Variants in ACSM1 observed in about 807,000 individuals in gnomAD.
ACSM1 encodes the protein acyl-coenzyme A synthetase ACSM1, mitochondrial.
A neutral mutation model predicts 75.8 loss-of-function variants in ACSM1; 79 were observed. The observed-to-expected ratio is 1.04, with a 90% CI of 0.87 to 1.26. ACSM1 has a LOEUF of 1.26. Ranked by LOEUF, ACSM1 falls within the 50% of genes most tolerant of loss-of-function variation. ACSM1 has a pLI of 0.00. For synonymous variants in ACSM1, 279 were observed against 265.8 expected (o/e 1.05, Z -0.48); for missense variants, 676 against 720.1 (o/e 0.94, Z 0.70).
chr16:20,682,343 A>G lies in ACSM1; in HGVS notation c.524T>C (p.Ile175Thr). 6.2e-7 allele frequency: 1 copy of G among 1,614,060 alleles called. No homozygotes were observed. The highest frequency in any genetic ancestry group is 8.5e-7 in the Non-Finnish European group (1 of 1,179,956). ...IDALASEVDSIASQCPSLKTK... is the reference protein window; with the variant it reads ...IDALASEVDSTASQCPSLKTK... ...TTTCAGAGAGGGGCACTGAGAAGCT[A>G]TGGAGTCCACCTCTGAGGCAAGGGC... Residue 175 changes from isoleucine to threonine, a missense_variant, in exon 4 of 14, where the codon ATA becomes ACA. By Grantham distance (89) the Ile-to-Thr change is moderately conservative (BLOSUM62 -1). Coordinates refer to ENST00000520010, the MANE Select transcript of ACSM1 (RefSeq NM_001318890.3).
intron 6 of ACSM1, among the ~76,000 whole-genome samples, chr16:20,668,476 G>A (rs1290145294): frequency 6.6e-6 from 1 of 152,150 alleles, no homozygotes; most frequent in South Asian, 2.1e-4. Context: ...ACAGGAGGAG[G>A]CATTGATATA....
chr16:20,685,218 C>A lies in ACSM1; in HGVS notation c.378G>T (p.Leu126=). Residue 126 remains leucine, a synonymous_variant, in exon 3 of 14, where the codon CTG becomes CTT. Transcript: ENST00000520010. The part of the protein sequence containing the change: ...LMLPRVPEWW[L]VAVGCMRTGI... ...CTGTTCGCATGCAGCCCACAGCCAC[C>A]AGCCACCACTCAGGAACTCGAGGCA... 1.2e-6 allele frequency: 2 copies of A among 1,614,168 alleles called. No individual in the cohort carries two copies. The highest frequency in any genetic ancestry group is 1.7e-6 in the Non-Finnish European group (2 of 1,180,014).
intron 7 of ACSM1, among the ~76,000 whole-genome samples, chr16:20,654,815 T>A (rs1188440944): frequency 6.6e-6 from 1 of 152,194 alleles, no homozygotes; most frequent in Non-Finnish European, 1.5e-5. Flanking sequence ...GTAAATTAGT[T>A]CAATCATTGT....
intron 10 of ACSM1, among the ~76,000 whole-genome samples, chr16:20,634,539 G>A (rs2017538714): frequency 1.3e-5 from 2 of 152,202 alleles, no homozygotes; most frequent in Non-Finnish European, 2.9e-5. Context: ...TTTGTTACAT[G>A]CTAAGACATA....
At chr16:20,652,447 A>T (rs1353729592) in intron 7 of ACSM1, among the ~76,000 whole-genome samples, 2 of 152,192 alleles carry the variant, frequency 1.3e-5, no homozygotes, top group African/African-American at 4.8e-5. Flanking sequence ...AAAAAAATTT[A>T]AAAAGTCTTA....
chr16:20,649,831 C>T (rs1480554776), intron 7 of ACSM1, among the ~76,000 whole-genome samples: 1 of 152,190 alleles, frequency 6.6e-6, no homozygotes, highest in African/African-American at 2.4e-5. Flanking sequence ...TCCTGACCAC[C>T]TTGGGCGTAT....
intron 1 of ACSM1, among the ~76,000 whole-genome samples, chr16:20,695,365 A>G (rs991801848): frequency 2.0e-5 from 3 of 152,222 alleles, no homozygotes; most frequent in African/African-American, 7.2e-5. Flanking sequence ...AGCACGGACA[A>G]GTATTTTAGA....
chr16:20,637,903 T>C, intron 8 of ACSM1, among the ~76,000 whole-genome samples: 1 of 152,286 alleles, frequency 6.6e-6, no homozygotes, highest in Middle Eastern at 3.4e-3. Flanking sequence ...GATGCCAACT[T>C]TTCCCCCTGT....
At chr16:20,678,650 T>C (rs557652049) in intron 4 of ACSM1, among the ~76,000 whole-genome samples, 53 of 152,328 alleles carry the variant, frequency 3.5e-4, no homozygotes, top group Non-Finnish European at 7.2e-4. Flanking sequence ...AACTCTAAGA[T>C]CTCACAATGG....
chr16:20,646,168 C>A (rs1324956873), intron 7 of ACSM1, among the ~76,000 whole-genome samples: 1 of 151,990 alleles, frequency 6.6e-6, no homozygotes, highest in Non-Finnish European at 1.5e-5. Context: ...GGCAAGTGAA[C>A]TTTGGAGGCT....
intron 10 of ACSM1, among the ~76,000 whole-genome samples, chr16:20,635,166 A>AG (rs972810063): frequency 3.3e-5 from 5 of 152,126 alleles, no homozygotes; most frequent in African/African-American, 9.7e-5. Context: ...AGGCTGAGGC[A>AG]GGGGGGTTAC....
intron 6 of ACSM1, among the ~76,000 whole-genome samples, chr16:20,665,002 T>C (rs1186012973): frequency 9.2e-5 from 14 of 152,092 alleles, no homozygotes; most frequent in Admixed American, 9.2e-4. Context: ...GAAGCAATGT[T>C]AGAGGAAAGT....
intron 7 of ACSM1, among the ~76,000 whole-genome samples, chr16:20,651,100 C>G (rs1231217455): frequency 6.6e-6 from 1 of 152,202 alleles, no homozygotes; most frequent in East Asian, 1.9e-4. Context: ...TAATTTCCCT[C>G]TAGCATACCA....
intron 5 of ACSM1, among the ~76,000 whole-genome samples, chr16:20,670,950 A>G (rs2019861916): frequency 6.6e-6 from 1 of 152,240 alleles, no homozygotes; most frequent in Non-Finnish European, 1.5e-5. Flanking sequence ...TACTAGTTGG[A>G]GATGAGAAGG....
rs749181301 is a variant in ACSM1, at chr16:20,671,697, A to T, written c.612-26T>A. On this transcript the variant is annotated intron_variant, in intron 4 of 13. Coordinates refer to ENST00000520010, the MANE Select transcript of ACSM1 (RefSeq NM_001318890.3). ...CTGCAAAGGGGTTCAAGACAAAAGG[A>T]AAAAAGTCATGATTGCTGTTTCTTC... 12 of 1,501,270 alleles carry T rather than the reference A, an allele frequency of 8.0e-6. No homozygotes were observed. The South Asian group carries it at 1.6e-4, about 20-fold the overall frequency. The allele number at this position is 1,501,270 out of a possible 1,614,324, so 93.0% of individuals were successfully genotyped here.
chr16:20,693,776 TC>T (rs1226530681), intron 1 of ACSM1, among the ~76,000 whole-genome samples: 1 of 152,218 alleles, frequency 6.6e-6, no homozygotes, highest in African/African-American at 2.4e-5. Context: ...GCTTAAAATC[TC>T]TAACCTAGGC....
intron 2 of ACSM1, among the ~76,000 whole-genome samples, chr16:20,686,699 A>G (rs1461491225): frequency 1.3e-5 from 2 of 152,108 alleles, no homozygotes; most frequent in Non-Finnish European, 2.9e-5. Context: ...CTGTGGTCCC[A>G]GCTACTTGGG....
chr16:20,690,874 C>T, intron 2 of ACSM1, 123 bp downstream of exon 2: 1 of 915,902 alleles, frequency 1.1e-6, no homozygotes, highest in Non-Finnish European at 1.6e-6. Flanking sequence ...TAAGCTTCTT[C>T]CACAACACTG....
intron 4 of ACSM1, among the ~76,000 whole-genome samples, chr16:20,672,471 A>AAAAAATAT (rs1555473775): frequency 1.9e-4 from 12 of 64,572 alleles, no homozygotes; most frequent in East Asian, 1.3e-3. Context: ...AAAAAAAAAA[A>AAAAAATAT]ATATATATAT....
Sources: allele counts gnomAD v4.1 joint callset (sites outside exome capture counted in the v4.1 genomes callset), GRCh38; gene constraint gnomAD v4.1.1; transcripts MANE v1.5; gene names NCBI Gene and HGNC (gene_info 2026-07-23, HGNC 2026-07-21).